The following FOXP2 variants were observed in gnomAD, a reference collection of about 807,000 sequenced individuals.
FOXP2 encodes forkhead box protein P2.
A neutral mutation model predicts 115.8 loss-of-function variants in FOXP2; 12 were observed. The observed-to-expected ratio is 0.10, with a 90% CI of 0.07 to 0.17. FOXP2 has a LOEUF of 0.17. Ranked by LOEUF, FOXP2 falls within the 10% of genes least tolerant of loss-of-function variation. The pLI is 1.00. For synonymous variants in FOXP2, 328 were observed against 297.7 expected (o/e 1.10, Z -1.05); for missense variants, 629 against 843.5 (o/e 0.75, Z 3.15).
chr7:114,327,808 T>TTTGTTTTGTTTTGTTTTGTCTTGTC, intron 2 of FOXP2, among the ~76,000 whole-genome samples: 1 of 151,344 alleles, frequency 6.6e-6, no homozygotes, highest in Non-Finnish European at 1.5e-5. Flanking sequence ...CCTCTTTTGT[T>TTTGTTTTGTTTTGTTTTGTCTTGTC]TTGTTTTGTT....
intron 3 of FOXP2, among the ~76,000 whole-genome samples, chr7:114,544,189 G>A (rs1477780742): frequency 2.0e-5 from 3 of 152,168 alleles, no homozygotes; most frequent in African/African-American, 7.2e-5. Context: ...GGGAAAGGCC[G>A]TGTCTTGAGT....
chr7:114,132,578 TGTGTGAGAGAGAGA>T (rs1452275284), intron 1 of FOXP2, among the ~76,000 whole-genome samples: 5 of 58,778 alleles, frequency 8.5e-5, no homozygotes, highest in Non-Finnish European at 1.3e-4. Flanking sequence ...TGTGTGTGTG[TGTGTGAGAGAGAGA>T]GAGAGAGAGA....
intron 1 of FOXP2, among the ~76,000 whole-genome samples, chr7:114,224,047 T>A (rs1271529299): frequency 6.6e-6 from 1 of 152,078 alleles, no homozygotes. Flanking sequence ...TTATTTTATT[T>A]TATATATCTA....
intron 3 of FOXP2, among the ~76,000 whole-genome samples, chr7:114,556,264 AG>A (rs1800448114): frequency 1.3e-5 from 2 of 152,188 alleles, no homozygotes; most frequent in Non-Finnish European, 2.9e-5. Flanking sequence ...GATGCCAACA[AG>A]ATAAGCTTCT....
intron 2 of FOXP2, among the ~76,000 whole-genome samples, chr7:114,368,473 T>C (rs948784522): frequency 6.6e-6 from 1 of 152,212 alleles, no homozygotes; most frequent in South Asian, 2.1e-4. Flanking sequence ...ACATTTAATA[T>C]GTCAAACCCT....
intron 2 of FOXP2, among the ~76,000 whole-genome samples, chr7:114,512,886 A>AT (rs1358020661): frequency 2.0e-5 from 3 of 152,160 alleles, no homozygotes; most frequent in Non-Finnish European, 4.4e-5. Flanking sequence ...GATCGATACC[A>AT]TCCTGGCAAA....
At chr7:114,240,086 C>A (rs984999222) in intron 1 of FOXP2, among the ~76,000 whole-genome samples, 10 of 152,094 alleles carry the variant, frequency 6.6e-5, no homozygotes, top group African/African-American at 2.4e-4. Flanking sequence ...ATAAAATATT[C>A]ACGTGATCAA....
chr7:114,493,181 T>G (rs1252792228), intron 2 of FOXP2, among the ~76,000 whole-genome samples: 1 of 152,196 alleles, frequency 6.6e-6, no homozygotes, highest in Admixed American at 6.5e-5. Flanking sequence ...CTTTGTCTCT[T>G]TTGATCTTTG....
chr7:114,224,734 G>T (rs1384179584), intron 1 of FOXP2, among the ~76,000 whole-genome samples: 2 of 151,928 alleles, frequency 1.3e-5, no homozygotes, highest in Non-Finnish European at 2.9e-5. Context: ...GCCTGAGTTG[G>T]CCTGGAACTG....
chr7:114,226,269 G>T (rs185007361), intron 1 of FOXP2, among the ~76,000 whole-genome samples: 1 of 152,050 alleles, frequency 6.6e-6, no homozygotes, highest in East Asian at 1.9e-4. Flanking sequence ...CTTTTCCTTT[G>T]GTACCCCAAA....
At chr7:114,631,437 G>A (rs1016019473) in intron 5 of FOXP2, 91 bp from the exon 6 acceptor site, 3 of 1,540,860 alleles carry the variant, frequency 1.9e-6, no homozygotes, top group African/African-American at 2.7e-5. Context: ...ACCCACTCAG[G>A]CAATGAAAGG....
At chr7:114,188,269 C>G (rs992886042) in intron 1 of FOXP2, among the ~76,000 whole-genome samples, 1 of 152,178 alleles carries the variant, frequency 6.6e-6, no homozygotes, top group Non-Finnish European at 1.5e-5. Flanking sequence ...GAAAGGCCCT[C>G]TATAATCTGG....
intron 2 of FOXP2, among the ~76,000 whole-genome samples, chr7:114,442,365 AGTGATGGAAAAT>A (rs1029794585): frequency 2.7e-5 from 4 of 146,416 alleles, no homozygotes; most frequent in African/African-American, 1.0e-4. Context: ...TTTTTTTTTG[AGTGATGGAAAAT>A]GTTCTAAAAT....
intron 3 of FOXP2, among the ~76,000 whole-genome samples, chr7:114,587,521 G>T (rs1802201388): frequency 1.3e-5 from 2 of 151,956 alleles, no homozygotes; most frequent in African/African-American, 4.8e-5. Context: ...ATGGGCATTT[G>T]GGATGGTTCC....
intron 2 of FOXP2, among the ~76,000 whole-genome samples, chr7:114,374,254 C>G (rs1409133968): frequency 1.3e-5 from 2 of 151,950 alleles, no homozygotes; most frequent in Non-Finnish European, 2.9e-5. Flanking sequence ...ACAGAAAGTT[C>G]TAATAAAATA....
chr7:114,425,990 A>G (rs549426307), intron 1 of FOXP2, among the ~76,000 whole-genome samples: 1 of 151,886 alleles, frequency 6.6e-6, no homozygotes, highest in South Asian at 2.1e-4. Context: ...TTGGTACCAT[A>G]TGATTTGTAA....
intron 2 of FOXP2, among the ~76,000 whole-genome samples, chr7:114,509,072 G>C (rs1490536069): frequency 1.3e-5 from 2 of 152,108 alleles, no homozygotes; most frequent in Non-Finnish European, 2.9e-5. Context: ...AGATGGAAGT[G>C]TGCTTTCTCT....
intron 3 of FOXP2, among the ~76,000 whole-genome samples, chr7:114,544,199 T>A (rs544302303): frequency 6.6e-6 from 1 of 152,052 alleles, no homozygotes; most frequent in South Asian, 2.1e-4. Context: ...GTGTCTTGAG[T>A]GTGAAGAGAC....
At chr7:114,624,207 A>G (rs1329662517) in intron 3 of FOXP2, among the ~76,000 whole-genome samples, 1 of 151,906 alleles carries the variant, frequency 6.6e-6, no homozygotes, top group East Asian at 1.9e-4. Context: ...TTTTCTATTA[A>G]CAGTCAAAAT....
Sources: gnomAD v4.1 joint callset for allele counts (sites outside exome capture counted in the v4.1 genomes callset) on GRCh38, gnomAD v4.1.1 for gene constraint, MANE v1.5 for transcripts, NCBI Gene and HGNC (gene_info 2026-07-23, HGNC 2026-07-21) for gene names.